TMCC1: variants seen among roughly 807,000 people sequenced by gnomAD.
The protein encoded by TMCC1 is transmembrane and coiled-coil domains protein 1.
In TMCC1, 15 loss-of-function variants were observed where a neutral mutation model predicts 52.4. That is an observed-to-expected ratio of 0.29 (90% CI 0.19 to 0.44). The LOEUF is 0.44. Among genes scored for constraint, TMCC1 ranks in the 20% least tolerant of loss-of-function variants. The pLI, the probability that TMCC1 is intolerant of heterozygous loss-of-function variation, is 1.00. For missense variants in TMCC1, 503 were observed against 806.0 expected, an observed-to-expected ratio of 0.62 and a Z score of 4.55; for synonymous variants, 279 against 301.9, an observed-to-expected ratio of 0.92 and a Z score of 0.79.
intron 4 of TMCC1, among the ~76,000 whole-genome samples, chr3:129,796,271 C>T (rs1055267336): frequency 6.6e-6 from 1 of 152,078 alleles, no homozygotes; most frequent in Non-Finnish European, 1.5e-5. Flanking sequence ...ACCATATAGC[C>T]GAGGTGTGTA....
intron 1 of TMCC1, 190 bp downstream of exon 1, chr3:129,893,304 T>C (rs371052723): frequency 2.0e-5 from 3 of 152,364 alleles, no homozygotes; most frequent in Non-Finnish European, 4.4e-5. Flanking sequence ...GGTCGAGTCC[T>C]AGGCCCGGGG....
chr3:129,648,676 T>A lies in TMCC1; in HGVS notation c.*2805A>T, dbSNP rs905973627. The A allele has an allele frequency of 9.5e-5, 12 of 126,768 alleles. No individual in the cohort carries two copies. Among genetic ancestry groups the A allele is most frequent in the Non-Finnish European group, 1.4e-4 (8 of 55,750 alleles). 7.9% of individuals were successfully genotyped at this position (126,768 alleles called of 1,614,324 possible). ...AATGTTTCATTTTAAAGGGAATGAA[T>A]ACAGTTTTCTTTTCTTTTTTTTTTA... On this transcript the variant is annotated 3_prime_UTR_variant, in exon 7 of 7. Transcript: ENST00000393238.
chr3:129,839,294 T>C (rs999528028), intron 2 of TMCC1, among the ~76,000 whole-genome samples: 2 of 152,178 alleles, frequency 1.3e-5, no homozygotes, highest in African/African-American at 4.8e-5. Flanking sequence ...GGGAACACAC[T>C]ATAACCATAC....
Position 129,828,811 on chromosome 3 carries a change from T to C in TMCC1, c.-130-303A>G, listed in dbSNP as rs2058770570. On this transcript the variant is annotated intron_variant, in intron 3 of 6. Coordinates refer to ENST00000393238, the MANE Select transcript of TMCC1 (RefSeq NM_001017395.5). This position sits in a 1 kb window ranked among gnomAD's most constrained non-coding sequence, Gnocchi z 4.1. ...GAATTAGATATTAGAGGAGCCATCTTGGAATGGACACTATAATGGTAGTTG... is the reference window on the plus strand; with the variant it reads ...GAATTAGATATTAGAGGAGCCATCTCGGAATGGACACTATAATGGTAGTTG... 6.6e-6 allele frequency among the ~76,000 whole-genome samples: 1 copy of C among 152,228 alleles called. No individual in the cohort carries two copies. Among genetic ancestry groups the C allele is most frequent in the Non-Finnish European group, 1.5e-5 (1 of 68,044 alleles).
chr3:129,884,076 A>G (rs970457613), intron 1 of TMCC1, among the ~76,000 whole-genome samples: 12 of 152,226 alleles, frequency 7.9e-5, no homozygotes, highest in African/African-American at 2.6e-4. Context: ...AAAACTAAAA[A>G]CAAATTAAAG....
intron 4 of TMCC1, among the ~76,000 whole-genome samples, chr3:129,741,670 G>A (rs1423386882): frequency 6.6e-6 from 1 of 152,066 alleles, no homozygotes; most frequent in East Asian, 1.9e-4. Context: ...ACTGCTTTCT[G>A]TTGGCTTTAT....
intron 4 of TMCC1, among the ~76,000 whole-genome samples, chr3:129,747,580 C>G (rs2052092502): frequency 6.6e-6 from 1 of 152,070 alleles, no homozygotes. Context: ...CTATGAGAAA[C>G]CTGCTCTCAT....
Position 129,863,594 on chromosome 3 carries a change from G to A in TMCC1, c.-184+16715C>T, listed in dbSNP as rs145431061. ...TCACCCAGAGAGGCCAGGCGCAGTG[G>A]CTCACGCCTGTAATCCCAGCACTTT... On this transcript the variant is annotated intron_variant, in intron 2 of 6. Coordinates refer to ENST00000393238, the MANE Select transcript of TMCC1 (RefSeq NM_001017395.5). Among the ~76,000 whole-genome samples the A allele has an allele frequency of 7.4e-3, 1,130 of 152,288 alleles. 10 individuals carry two copies. Among genetic ancestry groups the A allele is most frequent in the Middle Eastern group, 0.027 (8 of 294 alleles).
Position 129,650,637 on chromosome 3 carries a change from T to C in TMCC1, c.*844A>G, listed in dbSNP as rs1249327694. The C allele has an allele frequency of 2.0e-5, 3 of 152,438 alleles. No homozygotes were observed. Among genetic ancestry groups the C allele is most frequent in the Non-Finnish European group, 2.9e-5 (2 of 68,010 alleles). The allele number at this position is 152,438 out of a possible 1,614,324, so 9.4% of individuals were successfully genotyped here. ...GTCCAAAAAAACCCAATAATAATAA[T>C]AACAATAATAAAAAATCCTATTAGA... On this transcript the variant is annotated 3_prime_UTR_variant, in exon 7 of 7. Coordinates refer to ENST00000393238, the MANE Select transcript of TMCC1 (RefSeq NM_001017395.5).
intron 4 of TMCC1, among the ~76,000 whole-genome samples, chr3:129,759,881 C>G (rs1020541122): frequency 4.0e-5 from 6 of 151,068 alleles, no homozygotes; most frequent in Non-Finnish European, 8.9e-5. Flanking sequence ...GCCACCACGC[C>G]CGGCTAATTT....
At chr3:129,750,788 G>C (rs929548299) in intron 4 of TMCC1, among the ~76,000 whole-genome samples, 3 of 149,400 alleles carry the variant, frequency 2.0e-5, no homozygotes, top group African/African-American at 7.3e-5. Context: ...TGTTAGCCAG[G>C]CTGGTCTCGA....
In TMCC1 at chr3:129,684,359, A is replaced by G. The variant is rs148812146; in HGVS notation, c.577-13095T>C. ...GAATTACTTAAATGGTAAGGATCCAATTTTCATAATTTGTTTATGCATTTC... is the reference window on the plus strand; with the variant it reads ...GAATTACTTAAATGGTAAGGATCCAGTTTTCATAATTTGTTTATGCATTTC... On this transcript the variant is annotated intron_variant, in intron 4 of 6. Transcript: ENST00000393238. 3.1e-4 allele frequency among the ~76,000 whole-genome samples: 47 copies of G among 152,330 alleles called. No individual in the cohort carries two copies. In the East Asian group the frequency reaches 7.9e-3, roughly 26 times the overall value.
At chr3:129,676,063 T>C (rs2088418026) in intron 4 of TMCC1, among the ~76,000 whole-genome samples, 1 of 138,710 alleles carries the variant, frequency 7.2e-6, no homozygotes. Flanking sequence ...AAAAAAAAAT[T>C]ACAGATGTTG....
intron 4 of TMCC1, among the ~76,000 whole-genome samples, chr3:129,807,826 A>G (rs890018447): frequency 6.6e-6 from 1 of 152,214 alleles, no homozygotes; most frequent in Non-Finnish European, 1.5e-5. Context: ...ATGCACCCTT[A>G]TTCTATAAGG....
intron 2 of TMCC1, among the ~76,000 whole-genome samples, chr3:129,862,525 T>C (rs1577127597): frequency 6.6e-6 from 1 of 152,146 alleles, no homozygotes; most frequent in East Asian, 1.9e-4. Context: ...ATATAATAAA[T>C]AGCTAAAGTA....
intron 4 of TMCC1, among the ~76,000 whole-genome samples, chr3:129,687,118 T>C (rs917223995): frequency 2.0e-5 from 3 of 151,366 alleles, no homozygotes; most frequent in African/African-American, 7.3e-5. Context: ...CCTAATGGAG[T>C]ATATGGAGAG....
At chr3:129,827,631 A>T in intron 4 of TMCC1, 172 bp downstream of exon 4, 4 of 674,076 alleles carry the variant, frequency 5.9e-6, no homozygotes, top group Non-Finnish European at 9.9e-6. Context: ...AATTCTAAGC[A>T]TTCATTCATT....
At chr3:129,834,376 G>GT (rs1299368825) in intron 2 of TMCC1, among the ~76,000 whole-genome samples, 7 of 152,112 alleles carry the variant, frequency 4.6e-5, no homozygotes, top group Admixed American at 3.3e-4. Context: ...TAATTATTGA[G>GT]TATTTATATT....
chr3:129,784,499 G>A (rs1008315985), intron 4 of TMCC1, among the ~76,000 whole-genome samples: 2 of 151,844 alleles, frequency 1.3e-5, no homozygotes, highest in African/African-American at 4.8e-5. Context: ...CTGGGAGACG[G>A]AGCTTGCAGT....
Sources: gnomAD v4.1 joint callset for allele counts (sites outside exome capture counted in the v4.1 genomes callset) on GRCh38, gnomAD v4.1.1 for gene constraint, Gnocchi (gnomAD v3.1) non-coding constraint, MANE v1.5 for transcripts, NCBI Gene and HGNC (gene_info 2026-07-23, HGNC 2026-07-21) for gene names.